The following CSMD1 variants were observed in gnomAD, a reference collection of about 807,000 sequenced individuals.
The protein encoded by CSMD1 is CUB and Sushi multiple domains 1, also known as CUB and sushi domain-containing protein 1.
In CSMD1, 213 loss-of-function variants were observed where a neutral mutation model predicts 417.5. The ratio of observed to expected loss-of-function variants is 0.51; its 90% CI spans 0.46 to 0.57. The LOEUF (loss-of-function observed/expected upper bound fraction) is 0.57, where lower values mean the gene tolerates loss of function less well. CSMD1 is among the 20% of genes least tolerant of loss of function. The pLI is 0.00. For missense variants in CSMD1, 6,923 were observed against 4,529.7 expected (o/e 1.53, Z -15.17); for synonymous variants, 2,862 against 1,736.8 (o/e 1.65, Z -16.11).
intron 3 of CSMD1, among the ~76,000 whole-genome samples, chr8:4,157,555 T>A (rs975023693): frequency 6.6e-6 from 1 of 152,168 alleles, no homozygotes; most frequent in Non-Finnish European, 1.5e-5. Context: ...ATGACTGTGT[T>A]GTCATTCCCC....
chr8:3,712,048 T>G (rs942783595), intron 6 of CSMD1, among the ~76,000 whole-genome samples: 15 of 152,362 alleles, frequency 9.8e-5, no homozygotes, highest in East Asian at 3.9e-4. Flanking sequence ...TGATGCTCTG[T>G]AAAGCTACGT....
At chr8:3,479,116 G>C (rs1817591493) in intron 11 of CSMD1, among the ~76,000 whole-genome samples, 1 of 152,010 alleles carries the variant, frequency 6.6e-6, no homozygotes, top group South Asian at 2.1e-4. Flanking sequence ...GCACTGAGCA[G>C]ATAAAAGTAA....
intron 3 of CSMD1, among the ~76,000 whole-genome samples, chr8:4,309,941 C>T (rs1310416328): frequency 6.6e-6 from 1 of 152,056 alleles, no homozygotes; most frequent in Non-Finnish European, 1.5e-5. Flanking sequence ...ACATGATAGT[C>T]GATTATAGTT....
intron 3 of CSMD1, among the ~76,000 whole-genome samples, chr8:4,234,273 C>T (rs949004451): frequency 3.8e-4 from 58 of 152,274 alleles, no homozygotes; most frequent in Non-Finnish European, 1.8e-4. Context: ...AAGACTTACA[C>T]GAAGTGATCT....
intron 3 of CSMD1, among the ~76,000 whole-genome samples, chr8:4,150,028 C>G (rs1383488457): frequency 6.6e-6 from 1 of 152,150 alleles, no homozygotes; most frequent in Non-Finnish European, 1.5e-5. Context: ...ATCCTCAACG[C>G]TGCACGTAAA....
chr8:4,055,126 T>C (rs1174114317), intron 3 of CSMD1, among the ~76,000 whole-genome samples: 1 of 152,192 alleles, frequency 6.6e-6, no homozygotes, highest in Non-Finnish European at 1.5e-5. Context: ...TAGTAGATGA[T>C]AGAAATATGG....
chr8:4,075,799 A>C (rs1042403416), intron 3 of CSMD1, among the ~76,000 whole-genome samples: 3 of 152,170 alleles, frequency 2.0e-5, no homozygotes, highest in African/African-American at 7.2e-5. Context: ...TTGTGATGAC[A>C]GAGCAGTCCT....
chr8:2,982,149 A>G (rs1203381498), intron 54 of CSMD1, among the ~76,000 whole-genome samples: 1 of 152,248 alleles, frequency 6.6e-6, no homozygotes, highest in Admixed American at 6.5e-5. Context: ...TGAGGTCAAG[A>G]GTTCGAGACC....
intron 1 of CSMD1, among the ~76,000 whole-genome samples, chr8:4,913,696 A>T (rs1182962252): frequency 6.6e-6 from 1 of 152,116 alleles, no homozygotes; most frequent in African/African-American, 2.4e-5. Flanking sequence ...GCTTTTCCTG[A>T]CTACAATTAA....
chr8:4,088,337 G>A (rs889616090), intron 3 of CSMD1, among the ~76,000 whole-genome samples: 1 of 152,294 alleles, frequency 6.6e-6, no homozygotes, highest in East Asian at 1.9e-4. Flanking sequence ...TTACCATACT[G>A]GCTTTGCAGC....
intron 5 of CSMD1, among the ~76,000 whole-genome samples, chr8:3,846,305 G>A (rs1234356196): frequency 6.6e-6 from 1 of 152,172 alleles, no homozygotes; most frequent in African/African-American, 2.4e-5. Context: ...GAATATTCCA[G>A]CTCCATGAGA....
At chr8:3,354,674 G>C (rs544596290) in intron 21 of CSMD1, among the ~76,000 whole-genome samples, 8 of 151,652 alleles carry the variant, frequency 5.3e-5, no homozygotes, top group African/African-American at 1.9e-4. Context: ...GCCGTTATTG[G>C]ATTAGCTTTT....
At chr8:4,526,062 T>C (rs1184676192) in intron 2 of CSMD1, among the ~76,000 whole-genome samples, 1 of 152,188 alleles carries the variant, frequency 6.6e-6, no homozygotes, top group Non-Finnish European at 1.5e-5. Context: ...CTCTAGGCTA[T>C]TCATTTTCCC....
At chr8:3,139,943 C>A (rs757757039) in intron 41 of CSMD1, among the ~76,000 whole-genome samples, 28 of 149,940 alleles carry the variant, frequency 1.9e-4, no homozygotes, top group Non-Finnish European at 3.4e-4. Context: ...CCCTCTGTCA[C>A]CCAGACTGGA....
At chr8:3,453,797 G>A (rs564093166) in intron 12 of CSMD1, among the ~76,000 whole-genome samples, 2 of 152,278 alleles carry the variant, frequency 1.3e-5, no homozygotes, top group South Asian at 2.1e-4. Flanking sequence ...TATTGATTTG[G>A]GGGGGATAGT....
At chr8:3,733,614 G>A (rs1368139435) in intron 6 of CSMD1, among the ~76,000 whole-genome samples, 1 of 151,992 alleles carries the variant, frequency 6.6e-6, no homozygotes, top group African/African-American at 2.4e-5. Flanking sequence ...GCTGCATCCT[G>A]CCTCGGTCCC....
chr8:3,554,302 C>G (rs925715471), intron 10 of CSMD1, among the ~76,000 whole-genome samples: 6 of 152,178 alleles, frequency 3.9e-5, no homozygotes, highest in South Asian at 2.1e-4. Flanking sequence ...GGGTCCAGAC[C>G]AGTTCAACAT....
At chr8:3,168,592 C>T (rs1316179645) in intron 37 of CSMD1, among the ~76,000 whole-genome samples, 1 of 151,220 alleles carries the variant, frequency 6.6e-6, no homozygotes, top group African/African-American at 2.4e-5. Flanking sequence ...TGCACCCAGA[C>T]TTCTATGTCA....
intron 1 of CSMD1, among the ~76,000 whole-genome samples, chr8:4,753,202 G>A (rs763714630): frequency 2.0e-5 from 3 of 151,990 alleles, no homozygotes; most frequent in Non-Finnish European, 4.4e-5. Flanking sequence ...GTAAGGCCCG[G>A]GTCCCCATGA....
Sources: gnomAD v4.1 joint callset for allele counts (sites outside exome capture counted in the v4.1 genomes callset) on GRCh38, gnomAD v4.1.1 for gene constraint, MANE v1.5 for transcripts, NCBI Gene and HGNC (gene_info 2026-07-23, HGNC 2026-07-21) for gene names.